HHAT: variants seen among roughly 807,000 people sequenced by gnomAD.
The protein encoded by HHAT is hedgehog acyltransferase.
In HHAT, 47 loss-of-function variants were observed where a neutral mutation model predicts 70.8. The observed-to-expected ratio is 0.66, with a 90% CI of 0.53 to 0.85. The LOEUF is 0.85. Ranked by LOEUF, HHAT falls within the 40% of genes least tolerant of loss-of-function variation. The probability of loss-of-function intolerance (pLI) is 0.00; values close to 1 mark genes in which losing one functional copy is unlikely to be tolerated. For missense variants in HHAT, 609 were observed against 604.8 expected (o/e 1.01, Z -0.07); for synonymous variants, 228 against 247.6 (o/e 0.92, Z 0.74).
intron 6 of HHAT, among the ~76,000 whole-genome samples, chr1:210,406,506 G>T (rs975371931): frequency 6.6e-6 from 1 of 151,708 alleles, no homozygotes; most frequent in African/African-American, 2.4e-5. Flanking sequence ...TGATTCCCGT[G>T]TCTGAGCCTC....
intron 7 of HHAT, among the ~76,000 whole-genome samples, chr1:210,454,813 A>C (rs772733270): frequency 9.9e-5 from 15 of 152,186 alleles, no homozygotes; most frequent in Non-Finnish European, 1.8e-4. Context: ...GTTAAGAAGC[A>C]ATTTTCCAAA....
At chr1:210,608,954 A>G (rs1453090589) in intron 10 of HHAT, among the ~76,000 whole-genome samples, 1 of 152,264 alleles carries the variant, frequency 6.6e-6, no homozygotes, top group African/African-American at 2.4e-5. Flanking sequence ...TCACAAGGCT[A>G]AAAGAGGAAG....
intron 11 of HHAT, among the ~76,000 whole-genome samples, chr1:210,642,784 C>T (rs1673221580): frequency 6.6e-6 from 1 of 152,130 alleles, no homozygotes; most frequent in Non-Finnish European, 1.5e-5. Flanking sequence ...TGTTCTCCCA[C>T]TCTGTGGCTT....
chr1:210,630,944 C>T, intron 11 of HHAT: 1 of 423,744 alleles, frequency 2.4e-6, no homozygotes, highest in Non-Finnish European at 4.7e-6. Flanking sequence ...ATTTTGAGCC[C>T]CTAGATCGAG....
intron 3 of HHAT, among the ~76,000 whole-genome samples, chr1:210,366,757 C>T (rs550644232): frequency 1.4e-3 from 216 of 152,306 alleles, no homozygotes; most frequent in Non-Finnish European, 2.9e-3. Context: ...AATGACCACT[C>T]CCTTGGTCAT....
chr1:210,502,946 C>A (rs1322657386), intron 8 of HHAT, among the ~76,000 whole-genome samples: 2 of 151,420 alleles, frequency 1.3e-5, no homozygotes, highest in African/African-American at 4.9e-5. Context: ...ACTGTGTACT[C>A]AATATACTGT....
intron 8 of HHAT, among the ~76,000 whole-genome samples, chr1:210,471,688 A>T (rs995999626): frequency 6.6e-6 from 1 of 152,216 alleles, no homozygotes; most frequent in African/African-American, 2.4e-5. Context: ...CGCGAAGAAC[A>T]CATAATGCTT....
chr1:210,336,122 A>T (rs2085459833), intron 1 of HHAT, among the ~76,000 whole-genome samples: 1 of 132,042 alleles, frequency 7.6e-6, no homozygotes, highest in Non-Finnish European at 1.6e-5. Flanking sequence ...CTTCTGAGGC[A>T]TTCTTTTGTT....
chr1:210,367,757 T>C (rs1186014616), intron 3 of HHAT, among the ~76,000 whole-genome samples: 5 of 152,178 alleles, frequency 3.3e-5, no homozygotes, highest in African/African-American at 1.2e-4. Flanking sequence ...TCTTTGAGGG[T>C]AATGCTGATT....
chr1:210,627,628 A>G (rs918902303), intron 11 of HHAT, among the ~76,000 whole-genome samples: 10 of 152,096 alleles, frequency 6.6e-5, no homozygotes, highest in African/African-American at 2.4e-4. Flanking sequence ...GGGCTCTGGT[A>G]ATATGTCATC....
chr1:210,511,271 G>A (rs1449946982), intron 8 of HHAT, among the ~76,000 whole-genome samples: 1 of 152,080 alleles, frequency 6.6e-6, no homozygotes, highest in African/African-American at 2.4e-5. Context: ...ATGAATAAGT[G>A]GAATTTATAT....
At position 210,365,316 on chromosome 1, in the gene HHAT, T is replaced by TTTTTC. The variant is rs2088820304; in HGVS notation, c.159+2401_159+2402insCTTTT. On this transcript the variant is annotated intron_variant, in intron 3 of 11. Transcript: ENST00000261458. Reference sequence around the variant, plus strand: ...ACCTCAGTACTGCTGACAGTTTTTTTTTTTTTTTTTTTTTTTTTGAGACGG... The same window carrying TTTTTC: ...ACCTCAGTACTGCTGACAGTTTTTTTTTTTCTTTTTTTTTTTTTTTTTTGAGACGG... Among the ~76,000 whole-genome samples the TTTTTC allele has an allele frequency of 2.8e-5, 3 of 105,400 alleles. 1 individual carries two copies. Among genetic ancestry groups the TTTTTC allele is most frequent in the African/African-American group, 1.1e-4 (3 of 28,380 alleles). 69.1% of individuals were successfully genotyped at this position (105,400 alleles called of 152,430 possible).
chr1:210,636,296 C>G (rs1356567874), intron 11 of HHAT, among the ~76,000 whole-genome samples: 1 of 152,206 alleles, frequency 6.6e-6, no homozygotes, highest in Non-Finnish European at 1.5e-5. Flanking sequence ...GAGGGATTCA[C>G]TTCCCTCCCC....
intron 11 of HHAT, among the ~76,000 whole-genome samples, chr1:210,634,160 G>A (rs1403315807): frequency 6.6e-6 from 1 of 152,216 alleles, no homozygotes; most frequent in Non-Finnish European, 1.5e-5. Context: ...GAGTTTACTT[G>A]TAACCTGTGG....
intron 11 of HHAT, among the ~76,000 whole-genome samples, chr1:210,635,946 A>G (rs1429324260): frequency 1.3e-5 from 2 of 152,174 alleles, no homozygotes; most frequent in African/African-American, 2.4e-5. Context: ...TTTTATAGAA[A>G]GTGTTTGTTC....
At chr1:210,512,501 T>C (rs1159186376) in intron 8 of HHAT, among the ~76,000 whole-genome samples, 1 of 151,676 alleles carries the variant, frequency 6.6e-6, no homozygotes, top group Non-Finnish European at 1.5e-5. Flanking sequence ...ATAGACTATG[T>C]CTCTACTAAA....
intron 7 of HHAT, among the ~76,000 whole-genome samples, chr1:210,440,902 A>G (rs907987937): frequency 1.3e-5 from 2 of 152,240 alleles, no homozygotes; most frequent in Admixed American, 1.3e-4. Flanking sequence ...AAGTAGGAGA[A>G]ACCAACTTTG....
intron 8 of HHAT, among the ~76,000 whole-genome samples, chr1:210,503,175 G>C (rs777383944): frequency 6.6e-6 from 1 of 152,140 alleles, no homozygotes; most frequent in Non-Finnish European, 1.5e-5. Context: ...GGCCAGGCTG[G>C]TCTCGAACTC....
At chr1:210,475,576 C>T (rs79448618) in intron 8 of HHAT, among the ~76,000 whole-genome samples, 13,271 of 152,178 alleles carry the variant, frequency 0.087, 656 homozygotes, top group Middle Eastern at 0.1. Context: ...GAAGCTAGAA[C>T]ATGGGACTGA....
Sources: allele counts gnomAD v4.1 joint callset (sites outside exome capture counted in the v4.1 genomes callset), GRCh38; gene constraint gnomAD v4.1.1; transcripts MANE v1.5; gene names NCBI Gene and HGNC (gene_info 2026-07-23, HGNC 2026-07-21).